Variants in RGS8 observed in about 807,000 individuals in gnomAD.
RGS8 encodes regulator of G protein signaling 8.
In RGS8, 8 loss-of-function variants were observed where a neutral mutation model predicts 21.7. That is an observed-to-expected ratio of 0.37 (90% CI 0.22 to 0.66). The LOEUF is 0.66. RGS8 is among the 30% of genes least tolerant of loss of function. The pLI is 0.59. For synonymous variants in RGS8, 80 were observed against 83.6 expected (o/e 0.96, Z 0.24); for missense variants, 157 against 217.9 (o/e 0.72, Z 1.76).
At chr1:182,739,398 GC>G in the RGS8 span, among the ~76,000 whole-genome samples, 1 of 152,146 alleles carries the variant, frequency 6.6e-6, no homozygotes, top group African/African-American at 2.4e-5. Context: ...TGTCACTGGG[GC>G]CCCGACCTTG....
At chr1:182,710,186 C>T in the RGS8 span, among the ~76,000 whole-genome samples, 1 of 152,192 alleles carries the variant, frequency 6.6e-6, no homozygotes, top group Admixed American at 6.5e-5. Context: ...AAACTTCTTT[C>T]TCCCTCTCCT....
the RGS8 span, among the ~76,000 whole-genome samples, chr1:182,735,487 A>G: frequency 6.6e-6 from 1 of 152,232 alleles, no homozygotes; most frequent in Non-Finnish European, 1.5e-5. Context: ...TCCAAAAAAA[A>G]TGAAAGCCCT....
At chr1:182,672,928 A>T, upstream of RGS8, 6 of 1,348,384 alleles carry the variant, frequency 4.4e-6, no homozygotes, top group Non-Finnish European at 3.2e-6. Flanking sequence ...CAGTGTCAGC[A>T]TCACCTGAGA....
At chr1:182,693,676 T>C in the RGS8 span, among the ~76,000 whole-genome samples, 1 of 152,242 alleles carries the variant, frequency 6.6e-6, no homozygotes, top group African/African-American at 2.4e-5. Context: ...CACATGTGTG[T>C]TCATTGCAGC....
chr1:182,643,783 T>G (rs1165434075), downstream of RGS8: 2 of 152,240 alleles, frequency 1.3e-5, no homozygotes, highest in African/African-American at 4.8e-5. Flanking sequence ...ACTGACAGTA[T>G]TCTATTTAGT....
upstream of RGS8, among the ~76,000 whole-genome samples, chr1:182,677,069 AC>A (rs949020881): frequency 2.0e-5 from 3 of 152,168 alleles, no homozygotes; most frequent in African/African-American, 4.8e-5. Context: ...GATGAAAAAA[AC>A]AAAAAAAAAG....
the RGS8 span, among the ~76,000 whole-genome samples, chr1:182,733,486 G>A: frequency 6.6e-6 from 1 of 152,202 alleles, no homozygotes; most frequent in East Asian, 1.9e-4. Flanking sequence ...AAAGCCTGCA[G>A]GTAGGAGCTA....
chr1:182,665,115 T>C (rs946823393), intron 5 of RGS8, among the ~76,000 whole-genome samples: 1 of 152,228 alleles, frequency 6.6e-6, no homozygotes, highest in African/African-American at 2.4e-5. Context: ...CCAGATCAGT[T>C]AGGGCTTCTA....
the RGS8 span, among the ~76,000 whole-genome samples, chr1:182,706,245 T>TCC: frequency 1.3e-5 from 2 of 152,074 alleles, no homozygotes; most frequent in Non-Finnish European, 2.9e-5. Context: ...CACTTCAGCC[T>TCC]CCCACAGTGC....
At chr1:182,694,996 A>G in the RGS8 span, among the ~76,000 whole-genome samples, 1 of 152,106 alleles carries the variant, frequency 6.6e-6, no homozygotes, top group Non-Finnish European at 1.5e-5. Context: ...TACACACTAC[A>G]GTGCATTGGG....
At chr1:182,675,437 C>T (rs890213230), upstream of RGS8, among the ~76,000 whole-genome samples, 1 of 152,176 alleles carries the variant, frequency 6.6e-6, no homozygotes, top group African/African-American at 2.4e-5. Context: ...TCTCTGCCCA[C>T]CCACAAACCT....
At chr1:182,655,478 C>T (rs1180604747) in intron 5 of RGS8, among the ~76,000 whole-genome samples, 4 of 152,152 alleles carry the variant, frequency 2.6e-5, no homozygotes, top group Admixed American at 6.5e-5. Context: ...CAGTTAAGGC[C>T]GACTCGGCAG....
chr1:182,727,987 T>G, the RGS8 span, among the ~76,000 whole-genome samples: 7 of 152,326 alleles, frequency 4.6e-5, no homozygotes, highest in South Asian at 2.1e-4. Context: ...AGAATAAAAC[T>G]TACCTATATT....
At chr1:182,709,669 A>C in the RGS8 span, among the ~76,000 whole-genome samples, 5 of 152,282 alleles carry the variant, frequency 3.3e-5, no homozygotes, top group East Asian at 9.7e-4. Context: ...TAAAGTTCTG[A>C]CACACTATTT....
chr1:182,706,142 C>T, the RGS8 span, among the ~76,000 whole-genome samples: 2 of 151,968 alleles, frequency 1.3e-5, no homozygotes, highest in Admixed American at 6.6e-5. Context: ...ACTACTACGC[C>T]CAGCTCATTT....
the RGS8 span, chr1:182,734,533 C>T: frequency 1.1e-4 from 17 of 152,308 alleles, no homozygotes; most frequent in African/African-American, 4.1e-4. Flanking sequence ...GATCTTGATA[C>T]TTCTATGTCC....
At chr1:182,709,111 G>A in the RGS8 span, among the ~76,000 whole-genome samples, 1 of 152,062 alleles carries the variant, frequency 6.6e-6, no homozygotes, top group Admixed American at 6.5e-5. Flanking sequence ...GTGCTTTTAT[G>A]TATGTGTGGG....
intron 1 of RGS8, among the ~76,000 whole-genome samples, chr1:182,683,291 C>G (rs559279494): frequency 6.6e-6 from 1 of 152,164 alleles, no homozygotes. Flanking sequence ...CCATCATCAG[C>G]GTAATACCAT....
At chr1:182,666,006 C>T (rs2102434953) in exon 5 of RGS8, 1 of 1,613,994 alleles carries the variant, frequency 6.2e-7, no homozygotes, top group South Asian at 1.1e-5. Flanking sequence ...AATCTGCCCA[C>T]CTCGTAGCTT....
Sources: gnomAD v4.1 joint callset for allele counts (sites outside exome capture counted in the v4.1 genomes callset) on GRCh38, gnomAD v4.1.1 for gene constraint, MANE v1.5 for transcripts, NCBI Gene and HGNC (gene_info 2026-07-23, HGNC 2026-07-21) for gene names.